Variants in SHOC2 observed in about 807,000 individuals in gnomAD.
The protein encoded by SHOC2 is SHOC2 leucine rich repeat scaffold protein.
A neutral mutation model predicts 50.2 loss-of-function variants in SHOC2; 4 were observed. That is an observed-to-expected ratio of 0.08 (90% confidence interval 0.04 to 0.18). The LOEUF (loss-of-function observed/expected upper bound fraction) is 0.18, where lower values mean the gene tolerates loss of function less well. Ranked by LOEUF, SHOC2 falls within the 10% of genes least tolerant of loss-of-function variation. The pLI is 1.00. For missense variants in SHOC2, 388 were observed against 669.6 expected (o/e 0.58, Z 4.64); for synonymous variants, 218 against 244.5 (o/e 0.89, Z 1.01).
At chr10:110,986,703 T>C (rs1848085144) in intron 3 of SHOC2, among the ~76,000 whole-genome samples, 1 of 152,196 alleles carries the variant, frequency 6.6e-6, no homozygotes. Flanking sequence ...CTTGAACTCC[T>C]GACCTCAGGT....
In SHOC2 at chr10:110,955,777, G is replaced by A. The variant is rs554968491; in HGVS notation, c.-234-8348G>A. On this transcript the variant is annotated intron_variant, in intron 1 of 8. Transcript: ENST00000369452. Reference sequence around the variant, plus strand: ...TTTTACTAAAGTACATTGTCCTAGAGTAGAAATTGAAATATGAGACTTAAT... The same window carrying A: ...TTTTACTAAAGTACATTGTCCTAGAATAGAAATTGAAATATGAGACTTAAT... Among the ~76,000 whole-genome samples, 8 of 152,226 alleles carry A rather than the reference G, an allele frequency of 5.3e-5. No homozygotes were observed. In the South Asian group the frequency reaches 1.7e-3, roughly 32 times the overall value.
chr10:110,968,425 G>A (rs1385899664), intron 2 of SHOC2, among the ~76,000 whole-genome samples: 1 of 151,984 alleles, frequency 6.6e-6, no homozygotes, highest in African/African-American at 2.4e-5. Context: ...CACCTTTAAT[G>A]TAATTTGACT....
At chr10:110,952,432 T>C (rs1164190417) in intron 1 of SHOC2, among the ~76,000 whole-genome samples, 1 of 152,206 alleles carries the variant, frequency 6.6e-6, no homozygotes, top group African/African-American at 2.4e-5. Flanking sequence ...TTTTGACAAA[T>C]GTGTAATGAC....
chr10:110,940,491 A>C (rs1203690768), intron 1 of SHOC2, among the ~76,000 whole-genome samples: 4 of 152,204 alleles, frequency 2.6e-5, no homozygotes, highest in Non-Finnish European at 5.9e-5. Flanking sequence ...AAGTCCTCTA[A>C]ATGTTCAAAG....
At chr10:110,994,690 A>G (rs1352973124) in intron 3 of SHOC2, among the ~76,000 whole-genome samples, 1 of 152,208 alleles carries the variant, frequency 6.6e-6, no homozygotes, top group Non-Finnish European at 1.5e-5. Flanking sequence ...AACATAAGAA[A>G]TCCCTGTATT....
chr10:110,962,661 A>G (rs2134118619), intron 1 of SHOC2, among the ~76,000 whole-genome samples: 1 of 152,314 alleles, frequency 6.6e-6, no homozygotes, highest in South Asian at 2.1e-4. Flanking sequence ...GCTTCAGCAA[A>G]GTGACACATT....
At chr10:110,980,400 C>T (rs780996883) in intron 2 of SHOC2, among the ~76,000 whole-genome samples, 3 of 152,086 alleles carry the variant, frequency 2.0e-5, no homozygotes, top group Non-Finnish European at 4.4e-5. Flanking sequence ...TCGTGATCTG[C>T]CCACCTCGGC....
chr10:110,980,183 G>A (rs1011200230), intron 2 of SHOC2, among the ~76,000 whole-genome samples: 1 of 145,364 alleles, frequency 6.9e-6, no homozygotes, highest in African/African-American at 2.5e-5. Context: ...TTTTGAGATG[G>A]TCTCACTCTG....
intron 8 of SHOC2, among the ~76,000 whole-genome samples, chr10:111,011,083 C>T (rs542748240): frequency 6.6e-6 from 1 of 152,256 alleles, no homozygotes; most frequent in South Asian, 2.1e-4. Flanking sequence ...CTACATAAGT[C>T]AGTTTTTGGC....
chr10:110,921,442 A>G (rs1225573783), intron 1 of SHOC2, among the ~76,000 whole-genome samples: 2 of 152,248 alleles, frequency 1.3e-5, no homozygotes, highest in African/African-American at 2.4e-5. Context: ...AATTTAATAT[A>G]AAGCCAACAT....
chr10:110,933,831 A>T (rs1241252995), intron 1 of SHOC2, among the ~76,000 whole-genome samples: 1 of 152,154 alleles, frequency 6.6e-6, no homozygotes, highest in East Asian at 1.9e-4. Flanking sequence ...CAAACAAAAG[A>T]AATGTGGATC....
At chr10:111,004,899 C>T in intron 5 of SHOC2, 105 bp downstream of exon 5, 1 of 768,802 alleles carries the variant, frequency 1.3e-6, no homozygotes, top group South Asian at 1.5e-5. Context: ...TTGTACCTTG[C>T]TGATGGGTCT....
At chr10:110,936,713 A>T in intron 1 of SHOC2, 1 of 924,936 alleles carries the variant, frequency 1.1e-6, no homozygotes, top group East Asian at 2.4e-5. Context: ...TAGGCTTATG[A>T]GCTCTTTCTT....
At chr10:110,948,569 A>G (rs1847292199) in intron 1 of SHOC2, among the ~76,000 whole-genome samples, 1 of 152,218 alleles carries the variant, frequency 6.6e-6, no homozygotes. Context: ...CTAGAAATCA[A>G]TAACACCAGG....
intron 1 of SHOC2, among the ~76,000 whole-genome samples, chr10:110,952,324 G>T (rs1406692748): frequency 6.6e-6 from 1 of 152,114 alleles, no homozygotes; most frequent in Non-Finnish European, 1.5e-5. Flanking sequence ...TTGCATCAGA[G>T]TAAGCACATT....
At chr10:110,960,628 T>C (rs796729828) in intron 1 of SHOC2, among the ~76,000 whole-genome samples, 1 of 152,216 alleles carries the variant, frequency 6.6e-6, no homozygotes, top group Admixed American at 6.5e-5. Context: ...AATATAGTTA[T>C]GTTCCAGAGA....
At chr10:110,972,037 A>G (rs545871367) in intron 2 of SHOC2, among the ~76,000 whole-genome samples, 22 of 151,768 alleles carry the variant, frequency 1.4e-4, no homozygotes, top group Non-Finnish European at 2.7e-4. Context: ...TTTTTTAGAC[A>G]TTAAGTGGTA....
intron 4 of SHOC2, among the ~76,000 whole-genome samples, chr10:111,002,637 T>G (rs1848399420): frequency 6.6e-6 from 1 of 152,076 alleles, no homozygotes. Flanking sequence ...TTAAGAGAGG[T>G]TATATTTTTG....
chr10:110,929,753 C>T (rs1846854044), intron 1 of SHOC2, among the ~76,000 whole-genome samples: 1 of 152,172 alleles, frequency 6.6e-6, no homozygotes, highest in Middle Eastern at 3.2e-3. Flanking sequence ...ACCTAAGTAC[C>T]TCCCAAAGGT....
Sources: allele counts gnomAD v4.1 joint callset (sites outside exome capture counted in the v4.1 genomes callset), GRCh38; gene constraint gnomAD v4.1.1; transcripts MANE v1.5; gene names NCBI Gene and HGNC (gene_info 2026-07-23, HGNC 2026-07-21).